HVCN1: variants seen among roughly 807,000 people sequenced by gnomAD.
HVCN1 encodes hydrogen voltage gated channel 1.
In HVCN1, 14 loss-of-function variants were observed where a neutral mutation model predicts 29.2. The ratio of observed to expected loss-of-function variants is 0.48; its 90% CI spans 0.32 to 0.75. The LOEUF (loss-of-function observed/expected upper bound fraction) is 0.75. Among genes scored for constraint, HVCN1 ranks in the 30% least tolerant of loss-of-function variants. The pLI is 0.04. For missense variants in HVCN1, 263 were observed against 341.8 expected, an observed-to-expected ratio of 0.77 and a Z score of 1.82; for synonymous variants, 131 against 133.2, an observed-to-expected ratio of 0.98 and a Z score of 0.11.
chr12:110,671,479 C>G (rs966589088), intron 3 of HVCN1, among the ~76,000 whole-genome samples: 1 of 152,122 alleles, frequency 6.6e-6, no homozygotes, highest in Admixed American at 6.6e-5. Context: ...CGTCCAGGAG[C>G]CAGTCCTGCC....
At chr12:110,696,693 G>T (rs2069497713) in intron 2 of HVCN1, among the ~76,000 whole-genome samples, 1 of 152,100 alleles carries the variant, frequency 6.6e-6, no homozygotes, top group African/African-American at 2.4e-5. Flanking sequence ...ATGGTCTTTT[G>T]CGTCTGGTGT....
chr12:110,697,885 C>T (rs1365791244), intron 2 of HVCN1, among the ~76,000 whole-genome samples: 2 of 152,062 alleles, frequency 1.3e-5, no homozygotes, highest in East Asian at 1.9e-4. Flanking sequence ...CTCCTGACCT[C>T]GTGATCTGCC....
intron 4 of HVCN1, among the ~76,000 whole-genome samples, chr12:110,657,933 A>T (rs1392175429): frequency 6.6e-6 from 1 of 152,204 alleles, no homozygotes; most frequent in Non-Finnish European, 1.5e-5. Flanking sequence ...GACCTTGGAC[A>T]CATCTCTCAA....
Position 110,687,267 on chromosome 12 carries a change from C to G in HVCN1, c.-20+1358G>C, listed in dbSNP as rs536140606. Among the ~76,000 whole-genome samples, 354 of 150,526 alleles carry G rather than the reference C, an allele frequency of 2.4e-3. 5 individuals are homozygous for G. Among genetic ancestry groups the G allele is most frequent in the African/African-American group, 7.7e-3 (318 of 41,076 alleles). ...TACAAGACAGACCACACCCCCCCCC[C>G]CCAGCTAAGCACTGGGAAGCCAGCC... On this transcript the variant is annotated intron_variant, in intron 2 of 7. Transcript: ENST00000242607.
chr12:110,704,111 C>T (rs74965588), intron 1 of HVCN1, among the ~76,000 whole-genome samples: 82 of 152,190 alleles, frequency 5.4e-4, no homozygotes, highest in African/African-American at 1.6e-3. Flanking sequence ...AACATGTGTA[C>T]GCCTAAGTAT....
In HVCN1 at chr12:110,676,106, C is replaced by G. The variant is rs1024483186; in HGVS notation, c.21+7119G>C. 1.3e-5 allele frequency among the ~76,000 whole-genome samples: 2 copies of G among 152,144 alleles called. No individual in the cohort carries two copies. Among genetic ancestry groups the G allele is most frequent in the Non-Finnish European group, 2.9e-5 (2 of 68,020 alleles). On this transcript the variant is annotated intron_variant, in intron 3 of 7. Coordinates refer to ENST00000242607, the MANE Select transcript of HVCN1 (RefSeq NM_032369.4). The surrounding 1 kb of genome is among the most constrained non-coding windows in gnomAD (Gnocchi z 4.1). ...TAACACCACCCAGGCAGGGCCAGAG[C>G]GGCTGTCCCCAGTCCTAGCTTCACT...
At chr12:110,654,437 A>G (rs1380308633) in intron 5 of HVCN1, among the ~76,000 whole-genome samples, 1 of 151,652 alleles carries the variant, frequency 6.6e-6, no homozygotes, top group African/African-American at 2.4e-5. Flanking sequence ...TTGTTTTTCC[A>G]AAAAAGGGCA....
At chr12:110,654,862 T>A (rs929095868) in intron 5 of HVCN1, among the ~76,000 whole-genome samples, 3 of 152,170 alleles carry the variant, frequency 2.0e-5, no homozygotes, top group African/African-American at 4.8e-5. Flanking sequence ...ACATCTGGGA[T>A]GGGCTCAGTA....
chr12:110,702,657 AT>A (rs753012773), intron 1 of HVCN1, among the ~76,000 whole-genome samples: 428 of 92,280 alleles, frequency 4.6e-3, no homozygotes, highest in Non-Finnish European at 4.8e-3. Context: ...TAATTTTTGT[AT>A]TTTTTTTTTT....
intron 3 of HVCN1, among the ~76,000 whole-genome samples, chr12:110,666,782 A>T (rs577975702): frequency 1.3e-5 from 2 of 152,234 alleles, no homozygotes; most frequent in East Asian, 3.9e-4. Flanking sequence ...TTCCTCAAAG[A>T]GGCCCTCCCT....
At chr12:110,682,846 C>A in intron 3 of HVCN1, 1 of 282,082 alleles carries the variant, frequency 3.5e-6, no homozygotes, top group Admixed American at 5.1e-5. Context: ...GCCTGTAATC[C>A]CAGCTACTTG....
chr12:110,664,805 G>A (rs550760602), intron 3 of HVCN1, among the ~76,000 whole-genome samples: 12 of 152,272 alleles, frequency 7.9e-5, no homozygotes, highest in African/African-American at 2.4e-4. Context: ...CCTAAACATC[G>A]TGTGTGTGGA....
chr12:110,678,595 T>C (rs1315473286), intron 3 of HVCN1, among the ~76,000 whole-genome samples: 1 of 151,796 alleles, frequency 6.6e-6, no homozygotes, highest in African/African-American at 2.4e-5. Context: ...AGACTACAGG[T>C]ATGCACCACC....
At chr12:110,687,282 G>C (rs1466359592) in intron 2 of HVCN1, among the ~76,000 whole-genome samples, 5 of 151,124 alleles carry the variant, frequency 3.3e-5, no homozygotes, top group African/African-American at 1.2e-4. Flanking sequence ...CTAAGCACTG[G>C]GAAGCCAGCC....
intron 1 of HVCN1, chr12:110,704,733 C>T (rs1433926573): frequency 6.6e-6 from 1 of 152,222 alleles, no homozygotes; most frequent in Non-Finnish European, 1.5e-5. Flanking sequence ...GTAGCTAAAG[C>T]ACTGTCACTG....
intron 3 of HVCN1, among the ~76,000 whole-genome samples, chr12:110,672,479 GGGAAAGGGGTCCTCAATCTACGA>G (rs2068613416): frequency 6.6e-6 from 1 of 152,172 alleles, no homozygotes; most frequent in African/African-American, 2.4e-5. Flanking sequence ...CACACCCACA[GGGAAAGGGGTCCTCAATCTACGA>G]TTATGGGAAA....
At chr12:110,659,472 C>T (rs887763715) in intron 4 of HVCN1, among the ~76,000 whole-genome samples, 1 of 152,230 alleles carries the variant, frequency 6.6e-6, no homozygotes, top group Admixed American at 6.5e-5. Context: ...CCTTTGAGAA[C>T]TGTGGGCTTC....
intron 2 of HVCN1, among the ~76,000 whole-genome samples, chr12:110,699,463 C>G (rs1460252231): frequency 2.0e-5 from 3 of 152,042 alleles, no homozygotes; most frequent in African/African-American, 7.2e-5. Flanking sequence ...TATGGGGGCC[C>G]CACTGCCTTC....
At chr12:110,690,091 G>C (rs2069370308), upstream of HVCN1, among the ~76,000 whole-genome samples, 1 of 152,172 alleles carries the variant, frequency 6.6e-6, no homozygotes, top group African/African-American at 2.4e-5. Flanking sequence ...GGTCCTACAG[G>C]GCCAGAATCA....
Sources: gnomAD v4.1 joint callset for allele counts (sites outside exome capture counted in the v4.1 genomes callset) on GRCh38, gnomAD v4.1.1 for gene constraint, Gnocchi (gnomAD v3.1) non-coding constraint, MANE v1.5 for transcripts, NCBI Gene and HGNC (gene_info 2026-07-23, HGNC 2026-07-21) for gene names.